GYS1: variants seen among roughly 807,000 people sequenced by gnomAD.
GYS1 encodes glycogen synthase 1.
A neutral mutation model predicts 89.1 loss-of-function variants in GYS1; 60 were observed. That is an observed-to-expected ratio of 0.67 (90% CI 0.55 to 0.84). GYS1 has a LOEUF of 0.84. Among genes scored for constraint, GYS1 ranks in the 40% least tolerant of loss-of-function variants. The pLI is 0.00. For synonymous variants in GYS1, 366 were observed against 401.7 expected, an observed-to-expected ratio of 0.91 and a Z score of 1.06; for missense variants, 888 against 1,003.1, an observed-to-expected ratio of 0.89 and a Z score of 1.55.
chr19:48,992,327 T>G lies in GYS1; in HGVS notation c.118+668A>C, dbSNP rs1315638171. The stretch of plus-strand genomic sequence containing the variant: ...CTTTCTGAAGCCCAAGACACAGAAA[T>G]GCAGGCTCCTAGCCCCTCCCATCCT... On this transcript the variant is annotated intron_variant, in intron 1 of 15. Coordinates refer to ENST00000323798, the MANE Select transcript of GYS1 (RefSeq NM_002103.5). Among the ~76,000 whole-genome samples the G allele has an allele frequency of 2.0e-5, 3 of 152,022 alleles. No individual in the cohort carries two copies. The South Asian group carries it at 6.2e-4, about 32-fold the overall frequency.
At chr19:48,989,571 G>A (rs986449358) in intron 2 of GYS1, among the ~76,000 whole-genome samples, 1 of 151,052 alleles carries the variant, frequency 6.6e-6, no homozygotes, top group Non-Finnish European at 1.5e-5. Flanking sequence ...TCACGAGCAC[G>A]CACCATCATG....
At chr19:48,992,678 T>A (rs2038955767) in intron 1 of GYS1, among the ~76,000 whole-genome samples, 1 of 151,718 alleles carries the variant, frequency 6.6e-6, no homozygotes, top group African/African-American at 2.4e-5. Context: ...AGAAATCCCA[T>A]CCCCCCATCC....
Position 48,991,551 on chromosome 19 carries a change from GGGCC to G in GYS1, c.119-72_119-69del. On this transcript the variant is annotated intron_variant, in intron 1 of 15. Coordinates refer to ENST00000323798, the MANE Select transcript of GYS1 (RefSeq NM_002103.5). This position sits in a 1 kb window ranked among gnomAD's most constrained non-coding sequence, Gnocchi z 4.7. ...ATAGTTCTGGGGCCTGGGGTGGGGTGGGCCGGGGATGTAGGGGGCACTCAGGCCC... is the reference window on the plus strand; with the variant it reads ...ATAGTTCTGGGGCCTGGGGTGGGGTGGGGGATGTAGGGGGCACTCAGGCCC... The G allele has an allele frequency of 6.6e-7, 1 of 1,526,554 alleles. No individual in the cohort carries two copies. 94.6% of individuals were successfully genotyped at this position (1,526,554 alleles called of 1,614,324 possible).
intron 14 of GYS1, 77 bp from the exon 15 acceptor site, chr19:48,969,932 C>T: frequency 3.2e-6 from 3 of 950,792 alleles, no homozygotes; most frequent in Non-Finnish European, 5.2e-6. Flanking sequence ...GGGTCTTGGC[C>T]ACACCCTTTA....
chr19:48,981,511 C>G lies in GYS1; in HGVS notation c.1169+19G>C. 1 of 1,416,630 alleles carries G rather than the reference C, an allele frequency of 7.1e-7. No individual in the cohort carries two copies. The highest frequency in any genetic ancestry group is 1.0e-6 in the Non-Finnish European group (1 of 999,662). The allele number at this position is 1,416,630 out of a possible 1,614,324, so 87.8% of individuals were successfully genotyped here. ...TCTGGGAGTGGGCTGCGCCAGGGGC[C>G]GGAGCGAGGGCTGCTAACCAAAGCT... is the stretch of plus-strand genomic sequence containing the variant. On this transcript the variant is annotated intron_variant, in intron 8 of 15. Transcript: ENST00000323798.
rs1555800135 is a variant in GYS1, at chr19:48,990,003, G to GC, written c.300+1298_300+1299insG. ...GCTGTTGTCTGCCCTTTTGCTGGGG[G>GC]GGGGGGGGGGCTATTCTTAGGCCCC... is the stretch of plus-strand genomic sequence containing the variant. On this transcript the variant is annotated intron_variant, in intron 2 of 15. Coordinates refer to ENST00000323798, the MANE Select transcript of GYS1 (RefSeq NM_002103.5). Among the ~76,000 whole-genome samples the GC allele has an allele frequency of 1.4e-3, 200 of 147,836 alleles. 13 individuals are homozygous for GC. Among genetic ancestry groups the GC allele is most frequent in the African/African-American group, 4.6e-3 (178 of 38,622 alleles).
intron 10 of GYS1, among the ~76,000 whole-genome samples, chr19:48,975,645 C>T (rs2038633843): frequency 6.6e-6 from 1 of 151,896 alleles, no homozygotes; most frequent in South Asian, 2.1e-4. Flanking sequence ...TCACTTCCAA[C>T]CACCAGGCGT....
chr19:48,991,211 G>A lies in GYS1; in HGVS notation c.300+91C>T, dbSNP rs2038919730. 7.3e-7 allele frequency: 1 copy of A among 1,372,958 alleles called. No homozygotes were observed. Among genetic ancestry groups the A allele is most frequent in the African/African-American group, 1.4e-5 (1 of 70,570 alleles). 85.0% of individuals were successfully genotyped at this position (1,372,958 alleles called of 1,614,324 possible). ...CAAGCCTGCCTCGCTCTCTGGCTGGGGCTGTCCACCCTGCACCCTCTCCGT... is the reference window on the plus strand; with the variant it reads ...CAAGCCTGCCTCGCTCTCTGGCTGGAGCTGTCCACCCTGCACCCTCTCCGT... On this transcript the variant is annotated intron_variant, in intron 2 of 15. Transcript: ENST00000323798. This position sits in a 1 kb window ranked among gnomAD's most constrained non-coding sequence, Gnocchi z 4.7.
intron 2 of GYS1, among the ~76,000 whole-genome samples, chr19:48,990,011 G>GGT (rs1001437173): frequency 2.0e-4 from 30 of 150,668 alleles, no homozygotes; most frequent in African/African-American, 7.1e-4. Flanking sequence ...GGGGGGGGGG[G>GGT]GGCTATTCTT....
intron 2 of GYS1, among the ~76,000 whole-genome samples, chr19:48,989,047 G>GCTTC (rs774487050): frequency 1.3e-4 from 19 of 150,774 alleles, no homozygotes; most frequent in Admixed American, 4.0e-4. Context: ...TTCCTTCCTT[G>GCTTC]CTTCCTTCCT....
rs550694972 is a variant in GYS1 at position 48,990,523 on chromosome 19, C to G, written c.300+779G>C. Among the ~76,000 whole-genome samples the G allele has an allele frequency of 3.3e-5, 5 of 152,310 alleles. No homozygotes were observed. In the South Asian group the frequency reaches 1.0e-3, roughly 32 times the overall value. On this transcript the variant is annotated intron_variant, in intron 2 of 15. Coordinates refer to ENST00000323798, the MANE Select transcript of GYS1 (RefSeq NM_002103.5). ...TTGGTCTGCCTGTCCCCCTCACTCT[C>G]CAAGCTTGGCTGTTAGTAACAATAA...
intron 14 of GYS1, 158 bp downstream of exon 14, chr19:48,970,387 TG>T: frequency 1.5e-6 from 1 of 668,964 alleles, no homozygotes; most frequent in Non-Finnish European, 2.7e-6. Flanking sequence ...CCCAAAGTGC[TG>T]GGATTACAAC....
chr19:48,978,133 T>C lies in GYS1; in HGVS notation c.1194A>G (p.Glu398=), dbSNP rs375010111. 25 of 1,614,126 alleles carry C rather than the reference T, an allele frequency of 1.5e-5. No individual in the cohort carries two copies. The African/African-American group carries it at 2.0e-4, about 13-fold the overall frequency. ...QLWDTANTVK[E]KFGRKLYESL... ...ATTCATAAAGCTTCCTCCCGAACTT[T>C]TCCTTCACCGTGTTGGCCGTGTCCC... is the stretch of plus-strand genomic sequence containing the variant. Residue 398 remains glutamate (E), a synonymous_variant, in exon 9 of 16, where the codon GAA becomes GAG. Coordinates refer to ENST00000323798, the MANE Select transcript of GYS1 (RefSeq NM_002103.5).
chr19:48,974,212 C>G lies in GYS1; in HGVS notation c.1549+1G>C, dbSNP rs1284690029. 6.3e-7 allele frequency: 1 copy of G among 1,599,194 alleles called. No individual in the cohort carries two copies. Among genetic ancestry groups the G allele is most frequent in the Non-Finnish European group, 8.5e-7 (1 of 1,172,452 alleles). On this transcript the variant is annotated splice_donor_variant, in intron 12 of 15. Transcript: ENST00000323798. LOFTEE classifies it high-confidence loss of function. ...CGCTGTCCCCTGCCCACTACACTCACCCGGTGTGTAGCCCCAAGGCTCATA... is the reference window on the plus strand; with the variant it reads ...CGCTGTCCCCTGCCCACTACACTCAGCCGGTGTGTAGCCCCAAGGCTCATA...
chr19:48,985,233 C>T (rs1039932438), intron 5 of GYS1, among the ~76,000 whole-genome samples: 4 of 152,170 alleles, frequency 2.6e-5, no homozygotes, highest in African/African-American at 7.2e-5. Context: ...GACAGGGATT[C>T]GCCATGTTGC....
At chr19:48,981,082 C>T (rs996757165) in intron 8 of GYS1, among the ~76,000 whole-genome samples, 4 of 148,704 alleles carry the variant, frequency 2.7e-5, no homozygotes, top group Non-Finnish European at 5.9e-5. Context: ...CATTGCACTC[C>T]AGCTTGGGCG....
At chr19:48,988,132 C>T (rs749564617) in intron 2 of GYS1, among the ~76,000 whole-genome samples, 1 of 152,158 alleles carries the variant, frequency 6.6e-6, no homozygotes, top group Non-Finnish European at 1.5e-5. Context: ...TGCTACCCTT[C>T]TCCCACTCGC....
Position 48,989,025 on chromosome 19 carries a change from C to T in GYS1, c.301-1640G>A, listed in dbSNP as rs73579778. Among the ~76,000 whole-genome samples, 606 of 152,154 alleles carry T rather than the reference C, an allele frequency of 4.0e-3. 4 individuals carry two copies. The highest frequency in any genetic ancestry group is 0.014 in the African/African-American group (588 of 41,488). The stretch of plus-strand genomic sequence containing the variant: ...ATCCATAGGCCCATTTTGTAGTCCA[C>T]AGCCTCCTTCCTTCCTTCCTTGCTT... On this transcript the variant is annotated intron_variant, in intron 2 of 15. Coordinates refer to ENST00000323798, the MANE Select transcript of GYS1 (RefSeq NM_002103.5).
At chr19:48,986,489 C>CTT (rs569019323) in intron 3 of GYS1, among the ~76,000 whole-genome samples, 2 of 142,354 alleles carry the variant, frequency 1.4e-5, no homozygotes, top group African/African-American at 2.6e-5. Context: ...AATTAAGCTT[C>CTT]TTTTTTTTTT....
Sources: allele counts gnomAD v4.1 joint callset (sites outside exome capture counted in the v4.1 genomes callset), GRCh38; gene constraint gnomAD v4.1.1; non-coding constraint Gnocchi (gnomAD v3.1); transcripts MANE v1.5; gene names NCBI Gene and HGNC (gene_info 2026-07-23, HGNC 2026-07-21).